The following DMD variants were observed in gnomAD, a reference collection of about 807,000 sequenced individuals.
DMD encodes mutant dystrophin.
DMD carries 63 observed loss-of-function variants against 330.1 expected under a neutral mutation model. That is an observed-to-expected ratio of 0.19 (90% CI 0.16 to 0.24). The LOEUF (loss-of-function observed/expected upper bound fraction) is 0.24, where lower values mean the gene tolerates loss of function less well. Among genes scored for constraint, DMD ranks in the 10% least tolerant of loss-of-function variants. The pLI, the probability that DMD is intolerant of heterozygous loss-of-function variation, is 1.00. For missense variants in DMD, 3,344 were observed against 2,684.1 expected (o/e 1.25, Z -5.43); for synonymous variants, 1,223 against 959.8 (o/e 1.27, Z -5.07).
intron 53 of DMD, among the ~76,000 whole-genome samples, chrX:31,671,076 C>T (rs2081750925): frequency 9.0e-6 from 1 of 111,476 alleles, no homozygotes; most frequent in Admixed American, 9.5e-5. Flanking sequence ...CCGTGCCCAG[C>T]TAATTTTTTG....
intron 48 of DMD, among the ~76,000 whole-genome samples, chrX:31,861,675 TAC>T (rs1307324671): frequency 7.7e-4 from 70 of 91,364 alleles, no homozygotes; most frequent in African/African-American, 1.6e-3. Flanking sequence ...TGTATATATA[TAC>T]ACACACACAC....
intron 30 of DMD, among the ~76,000 whole-genome samples, chrX:32,390,793 T>C (rs992431345): frequency 9.0e-6 from 1 of 111,642 alleles, no homozygotes; most frequent in Non-Finnish European, 1.9e-5. Flanking sequence ...GAGCTGTGAT[T>C]ATAGGCGTGA....
chrX:32,078,707 C>G (rs770299938), intron 44 of DMD, among the ~76,000 whole-genome samples: 2 of 111,883 alleles, frequency 1.8e-5, no homozygotes, highest in South Asian at 3.7e-4. Flanking sequence ...TCAATATATA[C>G]CACTCCAAAA....
chrX:32,663,862 TGTTCCAG>T (rs1262301527), intron 9 of DMD, among the ~76,000 whole-genome samples: 1 of 111,588 alleles, frequency 9.0e-6, no homozygotes, highest in Non-Finnish European at 1.9e-5. Context: ...GGAGGAAATG[TGTTCCAG>T]GTAGAGGCAT....
rs116837301 is a variant in DMD at position 31,764,483 on chromosome X, A to G, written c.7542+9477T>C. ...GTTGCTACAGGTTATTTTCCCTCTC[A>G]CTACAATCTACTTCTTTCACATTTA... is the stretch of plus-strand genomic sequence containing the variant. On this transcript the variant is annotated intron_variant, in intron 51 of 78. Transcript: ENST00000357033. Among the ~76,000 whole-genome samples the G allele has an allele frequency of 6.9e-3, 766 of 111,517 alleles. 6 individuals carry two copies. The highest frequency in any genetic ancestry group is 0.024 in the African/African-American group (726 of 30,700).
At chrX:32,667,347 T>C (rs918917825) in intron 9 of DMD, among the ~76,000 whole-genome samples, 38 of 111,851 alleles carry the variant, frequency 3.4e-4, no homozygotes, top group Admixed American at 1.8e-3. Flanking sequence ...ATACAAGCAA[T>C]AAATAAATAA....
At chrX:33,325,621 C>T (rs780837101) in intron 1 of DMD, among the ~76,000 whole-genome samples, 4 of 112,001 alleles carry the variant, frequency 3.6e-5, no homozygotes, top group African/African-American at 9.7e-5. Flanking sequence ...ATCTGCTATT[C>T]GCCAACCCCA....
intron 11 of DMD, among the ~76,000 whole-genome samples, chrX:32,642,779 T>C (rs1026768403): frequency 1.8e-5 from 2 of 111,030 alleles, no homozygotes; most frequent in Non-Finnish European, 1.9e-5. Flanking sequence ...ATGGGGAGTG[T>C]AAGAAAAATG....
At chrX:32,665,873 G>A in intron 9 of DMD, among the ~76,000 whole-genome samples, 1 of 111,460 alleles carries the variant, frequency 9.0e-6, no homozygotes, top group Middle Eastern at 4.6e-3. Flanking sequence ...CATGAACATT[G>A]GTACTACATT....
intron 2 of DMD, among the ~76,000 whole-genome samples, chrX:32,873,189 T>C (rs750858890): frequency 3.6e-5 from 4 of 111,259 alleles, no homozygotes; most frequent in Non-Finnish European, 5.7e-5. Context: ...TTTCCTGCTT[T>C]GCTCAAATGT....
intron 7 of DMD, among the ~76,000 whole-genome samples, chrX:32,753,438 T>C (rs1456135519): frequency 5.4e-5 from 6 of 111,622 alleles, no homozygotes; most frequent in Admixed American, 4.8e-4. Flanking sequence ...CGACTTTGCA[T>C]TGAGTCTACC....
At chrX:31,385,329 G>T (rs2060397937) in intron 60 of DMD, among the ~76,000 whole-genome samples, 2 of 111,689 alleles carry the variant, frequency 1.8e-5, no homozygotes, top group African/African-American at 3.3e-5. Flanking sequence ...GCTATGGAGA[G>T]CACCTTCAGA....
chrX:32,396,620 T>C (rs1355828431), intron 30 of DMD, among the ~76,000 whole-genome samples: 1 of 111,140 alleles, frequency 9.0e-6, no homozygotes, highest in African/African-American at 3.3e-5. Flanking sequence ...TTGCTTTTTT[T>C]TGCCAGAGTG....
chrX:31,646,253 TTGTG>T (rs3032279), intron 54 of DMD, among the ~76,000 whole-genome samples: 3,090 of 102,960 alleles, frequency 0.03, 97 homozygotes, highest in African/African-American at 0.1. Context: ...GTGTTGTGTG[TTGTG>T]TGTGTGTGTG....
At chrX:32,734,517 A>G (rs1174291369) in intron 7 of DMD, among the ~76,000 whole-genome samples, 7 of 106,854 alleles carry the variant, frequency 6.6e-5, no homozygotes, top group Non-Finnish European at 1.1e-4. Context: ...AATCCTCAAT[A>G]AAATACTGGC....
intron 41 of DMD, among the ~76,000 whole-genome samples, chrX:32,326,048 T>C (rs1015190715): frequency 8.9e-6 from 1 of 112,108 alleles, no homozygotes. Context: ...CCCCATGTAT[T>C]TGAAGTCACT....
intron 60 of DMD, among the ~76,000 whole-genome samples, chrX:31,362,784 AAC>A (rs2059010159): frequency 8.9e-6 from 1 of 112,207 alleles, no homozygotes; most frequent in Non-Finnish European, 1.9e-5. Flanking sequence ...CTCTAGTAAA[AAC>A]ACAAAAAAAT....
chrX:31,641,384 T>C (rs996910841), intron 54 of DMD, among the ~76,000 whole-genome samples: 115 of 107,858 alleles, frequency 1.1e-3, no homozygotes, highest in African/African-American at 3.6e-3. Flanking sequence ...GTGCCTGTAA[T>C]CCCAGCCACT....
intron 2 of DMD, among the ~76,000 whole-genome samples, chrX:32,869,404 G>T (rs1787502433): frequency 9.0e-6 from 1 of 110,807 alleles, no homozygotes; most frequent in Non-Finnish European, 1.9e-5. Context: ...GGCTGAGACG[G>T]CTGAATTGAC....
Sources: allele counts gnomAD v4.1 joint callset (sites outside exome capture counted in the v4.1 genomes callset), GRCh38; gene constraint gnomAD v4.1.1; transcripts MANE v1.5; gene names NCBI Gene and HGNC (gene_info 2026-07-23, HGNC 2026-07-21).